Variants in MRPS18A observed in about 807,000 individuals in gnomAD.
MRPS18A encodes the protein mitochondrial ribosomal protein S18A.
In MRPS18A, 20 loss-of-function variants were observed where a neutral mutation model predicts 22.7. The observed-to-expected ratio is 0.88, with a 90% CI of 0.62 to 1.28. The LOEUF is 1.28. Ranked by LOEUF, MRPS18A falls within the 50% of genes most tolerant of loss-of-function variation. The pLI, the probability that MRPS18A is intolerant of heterozygous loss-of-function variation, is 0.00. For synonymous variants in MRPS18A, 106 were observed against 99.1 expected (o/e 1.07, Z -0.41); for missense variants, 294 against 262.6 (o/e 1.12, Z -0.83).
intron 5 of MRPS18A, among the ~76,000 whole-genome samples, chr6:43,672,899 G>A (rs1272030589): frequency 6.6e-6 from 1 of 152,096 alleles, no homozygotes. Flanking sequence ...TGCTGGGCAG[G>A]GATGGGAGGG....
chr6:43,681,773 A>G (rs984946176), intron 1 of MRPS18A, among the ~76,000 whole-genome samples: 3 of 152,248 alleles, frequency 2.0e-5, no homozygotes, highest in Admixed American at 2.0e-4. Context: ...GTCCAAGAAG[A>G]ATTTCAAGTA....
chr6:43,672,860 G>A (rs1014085190), intron 5 of MRPS18A, among the ~76,000 whole-genome samples: 1 of 152,178 alleles, frequency 6.6e-6, no homozygotes, highest in Non-Finnish European at 1.5e-5. Flanking sequence ...CAGAAGCTGC[G>A]GGAGTTGCTG....
At chr6:43,685,216 G>A (rs1482691045) in intron 1 of MRPS18A, among the ~76,000 whole-genome samples, 2 of 152,186 alleles carry the variant, frequency 1.3e-5, no homozygotes, top group African/African-American at 4.8e-5. Flanking sequence ...TTTTTGAGAA[G>A]ACTGAATAAA....
At position 43,681,153 on chromosome 6, in the gene MRPS18A, C is replaced by T. The variant is rs759379393; in HGVS notation, c.113-33G>A. On this transcript the variant is annotated intron_variant, in intron 1 of 5. Coordinates refer to ENST00000372133, the MANE Select transcript of MRPS18A (RefSeq NM_018135.4). The stretch of plus-strand genomic sequence containing the variant: ...GATAAAGGGGGAAACATTAGGTCAG[C>T]CATTTAATAAGGAACAGAGAGTTTC... The T allele has an allele frequency of 7.5e-6, 12 of 1,604,354 alleles. No individual in the cohort carries two copies. In the African/African-American group the frequency reaches 1.5e-4, roughly 20 times the overall value.
intron 1 of MRPS18A, among the ~76,000 whole-genome samples, chr6:43,686,410 A>T (rs373182718): frequency 1.4e-4 from 22 of 152,378 alleles, no homozygotes; most frequent in African/African-American, 5.0e-4. Flanking sequence ...TGGATAAGTT[A>T]ATCAGGCAAT....
chr6:43,678,344 C>T (rs919853019), intron 3 of MRPS18A, 174 bp downstream of exon 3: 4 of 547,578 alleles, frequency 7.3e-6, no homozygotes, highest in Non-Finnish European at 1.3e-5. Flanking sequence ...TAAAAGCTCC[C>T]CAGGTGATTC....
chr6:43,678,184 C>A (rs1258296288), intron 3 of MRPS18A, among the ~76,000 whole-genome samples: 1 of 152,198 alleles, frequency 6.6e-6, no homozygotes, highest in East Asian at 1.9e-4. Context: ...CAGGCCCCAC[C>A]CCCCGAGGCT....
chr6:43,672,403 G>A (rs2127939322), intron 5 of MRPS18A: 1 of 471,534 alleles, frequency 2.1e-6, no homozygotes, highest in Middle Eastern at 3.3e-4. Flanking sequence ...TGGGAATCAA[G>A]GGGTAAGGGC....
At chr6:43,680,900 A>C (rs1162378863) in intron 2 of MRPS18A, among the ~76,000 whole-genome samples, 189 bp downstream of exon 2, 1 of 152,258 alleles carries the variant, frequency 6.6e-6, no homozygotes, top group African/African-American at 2.4e-5. Context: ...GCCCAGGCAC[A>C]GCAACTGTTC....
intron 1 of MRPS18A, 130 bp from the exon 2 acceptor site, chr6:43,681,250 T>C: frequency 1.0e-6 from 1 of 956,284 alleles, no homozygotes; most frequent in South Asian, 1.6e-5. Flanking sequence ...GGTCTCCACC[T>C]AGAACAGAAA....
intron 2 of MRPS18A, among the ~76,000 whole-genome samples, chr6:43,680,295 G>A (rs1774326045): frequency 6.6e-6 from 1 of 152,192 alleles, no homozygotes; most frequent in Non-Finnish European, 1.5e-5. Flanking sequence ...GAAAGGCAGA[G>A]GGAGCATTCT....
rs781020111 is a variant in MRPS18A, at chr6:43,678,503, T to A, written c.252+15A>T. 2 of 1,582,972 alleles carry A rather than the reference T, an allele frequency of 1.3e-6. No homozygotes were observed. The highest frequency in any genetic ancestry group is 4.5e-5 in the East Asian group (2 of 44,700). On this transcript the variant is annotated intron_variant, in intron 3 of 5. Coordinates refer to ENST00000372133, the MANE Select transcript of MRPS18A (RefSeq NM_018135.4). ...CATGACACACAGAACCGAGTGTCTC[T>A]GTACCCAGACTCACGTCATAGTTAT...
chr6:43,687,371 T>C (rs1297738958), intron 1 of MRPS18A, among the ~76,000 whole-genome samples: 1 of 152,212 alleles, frequency 6.6e-6, no homozygotes, highest in Non-Finnish European at 1.5e-5. Context: ...AGAATTAACA[T>C]GCAAACCCTT....
intron 1 of MRPS18A, among the ~76,000 whole-genome samples, chr6:43,685,039 G>A (rs900462565): frequency 2.6e-5 from 4 of 152,142 alleles, no homozygotes; most frequent in Non-Finnish European, 5.9e-5. Context: ...GGGAGGCCCT[G>A]CCATGGAATA....
rs890742281 is a variant in MRPS18A at position 43,671,253 on chromosome 6, C to G, written c.*509G>C. ...ACACGAGAGCGGCAAGTGTGTCAGGCAGCCCACCTTGGCTCCCTGCAGCTC... is the reference window on the plus strand; with the variant it reads ...ACACGAGAGCGGCAAGTGTGTCAGGGAGCCCACCTTGGCTCCCTGCAGCTC... On this transcript the variant is annotated 3_prime_UTR_variant, in exon 6 of 6. Coordinates refer to ENST00000372133, the MANE Select transcript of MRPS18A (RefSeq NM_018135.4). 14 of 519,370 alleles carry G rather than the reference C, an allele frequency of 2.7e-5. No homozygotes were observed. Among genetic ancestry groups the G allele is most frequent in the Non-Finnish European group, 4.5e-5 (13 of 288,184 alleles). 32.2% of individuals were successfully genotyped at this position (519,370 alleles called of 1,614,324 possible). A position where few individuals can be genotyped will look rare whatever the true frequency, so the allele number is the denominator to read the frequency against.
chr6:43,672,385 AC>A (rs758110508), intron 5 of MRPS18A: 1 of 471,338 alleles, frequency 2.1e-6, no homozygotes, highest in Non-Finnish European at 4.4e-6. Context: ...CCCTCACCCA[AC>A]CTGTGATGGG....
intron 1 of MRPS18A, among the ~76,000 whole-genome samples, chr6:43,686,618 T>C (rs189648845): frequency 6.6e-6 from 1 of 152,332 alleles, no homozygotes; most frequent in East Asian, 1.9e-4. Context: ...GCCCCTTCAT[T>C]AGGCCCTTTT....
Position 43,671,921 on chromosome 6 carries a change from C to A in MRPS18A, c.447-15G>T. 2 of 1,583,694 alleles carry A rather than the reference C, an allele frequency of 1.3e-6. No individual in the cohort carries two copies. Among genetic ancestry groups the A allele is most frequent in the Non-Finnish European group, 8.6e-7 (1 of 1,163,874 alleles). ...GCGTCAGGTACCTGTGGAGGGAGAA[C>A]AAAGAGGTGCCTGTGAGGGCTGGGG... On this transcript the variant is annotated splice_polypyrimidine_tract_variant and intron_variant, in intron 5 of 5. Coordinates refer to ENST00000372133, the MANE Select transcript of MRPS18A (RefSeq NM_018135.4).
At chr6:43,685,292 C>T (rs139165236) in intron 1 of MRPS18A, among the ~76,000 whole-genome samples, 7 of 152,290 alleles carry the variant, frequency 4.6e-5, no homozygotes, top group Non-Finnish European at 8.8e-5. Flanking sequence ...TATTTTCGTC[C>T]TCCTTCAGTC....
Sources: gnomAD v4.1 joint callset for allele counts (sites outside exome capture counted in the v4.1 genomes callset) on GRCh38, gnomAD v4.1.1 for gene constraint, MANE v1.5 for transcripts, NCBI Gene and HGNC (gene_info 2026-07-23, HGNC 2026-07-21) for gene names.